MTUS1: variants seen among roughly 807,000 people sequenced by gnomAD.
MTUS1 encodes microtubule associated scaffold protein 1.
Under a neutral mutation model 120.8 loss-of-function variants are expected in MTUS1, and 109 were observed. The ratio of observed to expected loss-of-function variants is 0.90; its 90% CI spans 0.77 to 1.06. MTUS1 has a LOEUF of 1.06. MTUS1 is among the 50% of genes least tolerant of loss of function. MTUS1 has a pLI of 0.00. For missense variants in MTUS1, 2,210 were observed against 1,486.3 expected, an observed-to-expected ratio of 1.49 and a Z score of -8.01; for synonymous variants, 737 against 550.5, an observed-to-expected ratio of 1.34 and a Z score of -4.74.
intron 8 of MTUS1, 121 bp from the exon 9 acceptor site, chr8:17,656,186 T>A: frequency 1.2e-6 from 1 of 836,344 alleles, no homozygotes; most frequent in Non-Finnish European, 1.9e-6. Context: ...GTCTTGGGTC[T>A]CTAGTGACCA....
chr8:17,775,256 A>T (rs1156452352), intron 1 of MTUS1, among the ~76,000 whole-genome samples: 1 of 152,162 alleles, frequency 6.6e-6, no homozygotes, highest in Non-Finnish European at 1.5e-5. Flanking sequence ...TTCATGTTAT[A>T]TATATTTTAC....
intron 13 of MTUS1, chr8:17,647,366 T>C (rs1585372320): frequency 7.1e-6 from 2 of 281,130 alleles, no homozygotes; most frequent in East Asian, 1.6e-4. Flanking sequence ...TAAGAATTGG[T>C]GCCTCTTTCT....
intron 13 of MTUS1, 165 bp from the exon 14 acceptor site, chr8:17,647,244 A>C (rs774438903): frequency 3.5e-6 from 2 of 565,746 alleles, no homozygotes; most frequent in Non-Finnish European, 6.2e-6. Context: ...AAAGATTTTA[A>C]AACAGCAAAA....
chr8:17,715,877 T>C lies in MTUS1; in HGVS notation c.2474A>G (p.Tyr825Cys), dbSNP rs1029795356. The C allele has an allele frequency of 3.7e-6, 6 of 1,613,274 alleles. No individual in the cohort carries two copies. The African/African-American group carries it at 5.3e-5, about 14-fold the overall frequency. Residue 825 changes from tyrosine (Y) to cysteine (C), a missense_variant, in exon 5 of 15, where the codon TAT becomes TGT. By Grantham distance (194) the Tyr-to-Cys change is radical. Coordinates refer to ENST00000693296, the MANE Select transcript of MTUS1 (RefSeq NM_001363059.2). ...NNSGNAAVIK[Y>C]EEKPPKPAFQ... ...TGCTGGTTTTGGAGGTTTCTCCTCA[T>C]ATTTGATGACAGCGGCATTACCAGC...
intron 13 of MTUS1, among the ~76,000 whole-genome samples, chr8:17,649,558 T>C (rs1277400743): frequency 6.6e-6 from 1 of 152,236 alleles, no homozygotes; most frequent in Admixed American, 6.5e-5. Flanking sequence ...ATTTTTCTTA[T>C]GCAGGTGAAG....
intron 1 of MTUS1, among the ~76,000 whole-genome samples, chr8:17,763,541 T>C (rs1457163032): frequency 4.6e-5 from 7 of 152,138 alleles, no homozygotes; most frequent in African/African-American, 1.7e-4. Flanking sequence ...GTAAATTTAG[T>C]GAGAATTAGC....
intron 6 of MTUS1, among the ~76,000 whole-genome samples, chr8:17,705,375 C>G (rs1819952427): frequency 1.3e-5 from 2 of 152,098 alleles, no homozygotes; most frequent in Non-Finnish European, 2.9e-5. Context: ...CTACTTAAGT[C>G]TATATTCTTA....
intron 1 of MTUS1, among the ~76,000 whole-genome samples, chr8:17,757,366 C>A (rs1268913236): frequency 1.3e-5 from 2 of 152,150 alleles, no homozygotes; most frequent in African/African-American, 4.8e-5. Context: ...CCTAAAGTGG[C>A]TGCTAATTGG....
chr8:17,759,091 C>A (rs1305526406), intron 1 of MTUS1, among the ~76,000 whole-genome samples: 1 of 151,850 alleles, frequency 6.6e-6, no homozygotes, highest in Non-Finnish European at 1.5e-5. Flanking sequence ...CTGTGTTAGC[C>A]AGCATGGTCT....
At position 17,723,851 on chromosome 8, in the gene MTUS1, A is replaced by C. The variant is rs756401784; in HGVS notation, c.2288-18T>G. The C allele has an allele frequency of 2.0e-5, 31 of 1,535,266 alleles. 2 individuals are homozygous for C. The highest frequency in any genetic ancestry group is 2.5e-5 in the Non-Finnish European group (29 of 1,142,684). ...AGGCTTTCCTTGGGGTTTAAAAAAA[A>C]CAAAAAGTTTCCAGTGCTATTCATC... On this transcript the variant is annotated intron_variant, in intron 3 of 14. Coordinates refer to ENST00000693296, the MANE Select transcript of MTUS1 (RefSeq NM_001363059.2).
At chr8:17,650,300 T>A (rs1293411847) in intron 12 of MTUS1, among the ~76,000 whole-genome samples, 1 of 152,174 alleles carries the variant, frequency 6.6e-6, no homozygotes, top group Non-Finnish European at 1.5e-5. Flanking sequence ...TTATTGGCAT[T>A]TTCTGGGAGA....
At chr8:17,719,083 C>G (rs1021901835) in intron 4 of MTUS1, among the ~76,000 whole-genome samples, 1 of 151,906 alleles carries the variant, frequency 6.6e-6, no homozygotes, top group East Asian at 1.9e-4. Context: ...GGTGGGAGAA[C>G]TGCTTGAACC....
chr8:17,723,878 C>G (rs772780715), intron 3 of MTUS1, 45 bp from the exon 4 acceptor site: 1 of 1,470,126 alleles, frequency 6.8e-7, no homozygotes, highest in East Asian at 2.3e-5. Context: ...CTATTCATCC[C>G]GAAAGCTGGC....
intron 3 of MTUS1, among the ~76,000 whole-genome samples, chr8:17,732,421 C>T (rs750241531): frequency 6.6e-6 from 1 of 152,160 alleles, no homozygotes; most frequent in South Asian, 2.1e-4. Context: ...TCAGGGATGC[C>T]CCTACGTTCC....
At chr8:17,660,170 C>T (rs60338902) in intron 8 of MTUS1, among the ~76,000 whole-genome samples, 1 of 151,926 alleles carries the variant, frequency 6.6e-6, no homozygotes, top group Non-Finnish European at 1.5e-5. Flanking sequence ...TTCAGGAGTT[C>T]GAGACCAGCC....
chr8:17,763,282 G>A (rs1004415900), intron 1 of MTUS1, among the ~76,000 whole-genome samples: 1 of 152,172 alleles, frequency 6.6e-6, no homozygotes, highest in African/African-American at 2.4e-5. Context: ...GAGCCACCAC[G>A]CCTGGCCGGT....
intron 1 of MTUS1, among the ~76,000 whole-genome samples, chr8:17,798,006 T>C (rs1269168170): frequency 1.3e-5 from 2 of 152,188 alleles, no homozygotes; most frequent in East Asian, 1.9e-4. Context: ...ACGTATGCAG[T>C]ACATTTGTCT....
chr8:17,773,530 C>T (rs949839825), intron 1 of MTUS1, among the ~76,000 whole-genome samples: 1 of 152,166 alleles, frequency 6.6e-6, no homozygotes, highest in African/African-American at 2.4e-5. Context: ...CAGGGTTCTG[C>T]AGGCTTAGAG....
rs200318203 is a variant in MTUS1 at position 17,775,271 on chromosome 8, A to AT, written c.-154-19311dup. Among the ~76,000 whole-genome samples, 159 of 150,642 alleles carry AT rather than the reference A, an allele frequency of 1.1e-3. 1 individual carries two copies. The highest frequency in any genetic ancestry group is 3.6e-3 in the African/African-American group (146 of 41,102). ...TTCATGTTATATATATTTTACCATA[A>AT]TTTTTTTTTTAAAGCAACACCACAA... On this transcript the variant is annotated intron_variant, in intron 1 of 14. Transcript: ENST00000693296.
Sources: gnomAD v4.1 joint callset for allele counts (sites outside exome capture counted in the v4.1 genomes callset) on GRCh38, gnomAD v4.1.1 for gene constraint, MANE v1.5 for transcripts, NCBI Gene and HGNC (gene_info 2026-07-23, HGNC 2026-07-21) for gene names.